SPOPL: variants seen among roughly 807,000 people sequenced by gnomAD.
The protein encoded by SPOPL is speckle type BTB/POZ protein like.
A neutral mutation model predicts 53.8 loss-of-function variants in SPOPL; 23 were observed. That is an observed-to-expected ratio of 0.43 (90% CI 0.31 to 0.61). The LOEUF is 0.61. SPOPL is among the 20% of genes least tolerant of loss of function. The probability of loss-of-function intolerance (pLI) is 0.12; values close to 1 mark genes in which losing one functional copy is unlikely to be tolerated. For missense variants in SPOPL, 442 were observed against 466.9 expected (o/e 0.95, Z 0.49); for synonymous variants, 164 against 149.7 (o/e 1.10, Z -0.70).
chr2:138,512,533 T>C (rs1377331188), intron 1 of SPOPL, among the ~76,000 whole-genome samples: 1 of 152,188 alleles, frequency 6.6e-6, no homozygotes. Context: ...ACCGAGACAG[T>C]TTTTGTAATA....
chr2:138,565,596 T>A (rs1180390593), intron 10 of SPOPL, among the ~76,000 whole-genome samples: 2 of 152,204 alleles, frequency 1.3e-5, no homozygotes, highest in African/African-American at 4.8e-5. Flanking sequence ...ACTTTTATAT[T>A]CTTTGTTATT....
chr2:138,519,899 T>C (rs1324223800), intron 1 of SPOPL, among the ~76,000 whole-genome samples: 2 of 152,224 alleles, frequency 1.3e-5, no homozygotes, highest in Non-Finnish European at 2.9e-5. Context: ...TAATTCTGTA[T>C]GGGTGGCATT....
intron 1 of SPOPL, among the ~76,000 whole-genome samples, chr2:138,532,593 ATT>A (rs71301784): frequency 7.2e-5 from 8 of 111,836 alleles, no homozygotes; most frequent in African/African-American, 3.1e-4. Context: ...CGCCCGGCTA[ATT>A]TTTTTTTTTT....
chr2:138,537,757 T>A (rs1487097927), intron 1 of SPOPL, among the ~76,000 whole-genome samples: 2 of 152,256 alleles, frequency 1.3e-5, no homozygotes, highest in Non-Finnish European at 2.9e-5. Context: ...GAGCAGCTCC[T>A]GGTTCAAAGA....
At chr2:138,544,755 C>T (rs368874561) in intron 1 of SPOPL, among the ~76,000 whole-genome samples, 72 of 152,294 alleles carry the variant, frequency 4.7e-4, no homozygotes, top group Middle Eastern at 6.8e-3. Flanking sequence ...ACCCACTTTC[C>T]GACACTCCCC....
chr2:138,569,047 T>C lies in SPOPL; in HGVS notation c.1146T>C (p.Phe382=). The change falls in exon 11 of 11, where the codon TTT becomes TTC. Residue 382 remains phenylalanine, a synonymous_variant. Coordinates refer to ENST00000280098, the MANE Select transcript of SPOPL (RefSeq NM_001001664.3). The part of the protein sequence containing the change: ...RALASAQCPQ[F]GIPRKRLKQS ...TAGCATCTGCACAGTGTCCACAGTT[T>C]GGCATTCCACGCAAACGGCTAAAAC... 6.2e-7 allele frequency: 1 copy of C among 1,613,866 alleles called. No homozygotes were observed. Among genetic ancestry groups the C allele is most frequent in the Non-Finnish European group, 8.5e-7 (1 of 1,179,916 alleles).
intron 1 of SPOPL, among the ~76,000 whole-genome samples, chr2:138,543,069 T>C (rs1279584979): frequency 6.6e-6 from 1 of 152,230 alleles, no homozygotes; most frequent in Non-Finnish European, 1.5e-5. Context: ...TGGCCCCCAC[T>C]TTCTTCTGGC....
At chr2:138,503,220 A>G (rs1019958074) in intron 1 of SPOPL, among the ~76,000 whole-genome samples, 35 of 149,004 alleles carry the variant, frequency 2.3e-4, no homozygotes, top group African/African-American at 8.9e-4. Flanking sequence ...TCAGACTAGT[A>G]TATAGTTGCC....
rs1685535652 is a variant in SPOPL at position 138,561,060 on chromosome 2, A to G, written c.837+133A>G. 4.6e-6 allele frequency: 5 copies of G among 1,083,506 alleles called. No individual in the cohort carries two copies. The Admixed American group carries it at 9.6e-5, about 21-fold the overall frequency. 67.1% of individuals were successfully genotyped at this position (1,083,506 alleles called of 1,614,324 possible). ...TTGAGAGCTTTATGAAATAGCATAC[A>G]GTGGGGTAATCTGGAAATGAAATTT... On this transcript the variant is annotated intron_variant, in intron 8 of 10. Transcript: ENST00000280098.
chr2:138,524,260 G>C (rs1684621672), intron 1 of SPOPL, among the ~76,000 whole-genome samples: 1 of 152,194 alleles, frequency 6.6e-6, no homozygotes, highest in Non-Finnish European at 1.5e-5. Flanking sequence ...AGCTGGAGCG[G>C]CTGGGACCCA....
intron 1 of SPOPL, among the ~76,000 whole-genome samples, chr2:138,528,003 T>A (rs538699267): frequency 6.6e-5 from 10 of 152,332 alleles, no homozygotes; most frequent in African/African-American, 2.4e-4. Flanking sequence ...CTGTTAGAAG[T>A]TATCTTTTCT....
chr2:138,554,066 CTT>C (rs70978299), intron 5 of SPOPL, among the ~76,000 whole-genome samples: 70,092 of 126,608 alleles, frequency 0.55, 22,708 homozygotes, highest in Non-Finnish European at 0.74. Context: ...TAGAAAATAC[CTT>C]TTTTTTTTTT....
At chr2:138,567,038 C>A (rs1346706271) in intron 10 of SPOPL, among the ~76,000 whole-genome samples, 1 of 152,114 alleles carries the variant, frequency 6.6e-6, no homozygotes, top group Non-Finnish European at 1.5e-5. Flanking sequence ...AGATACTTAT[C>A]CTTTATTATC....
At chr2:138,523,566 G>A (rs776907436) in intron 1 of SPOPL, among the ~76,000 whole-genome samples, 12 of 152,100 alleles carry the variant, frequency 7.9e-5, no homozygotes, top group Admixed American at 2.6e-4. Flanking sequence ...CCTTCCACCT[G>A]TGAGCCTGTA....
At chr2:138,556,560 T>G (rs1386993917) in intron 5 of SPOPL, among the ~76,000 whole-genome samples, 2 of 152,204 alleles carry the variant, frequency 1.3e-5, no homozygotes, top group Non-Finnish European at 2.9e-5. Context: ...ACCTTGAATA[T>G]TAACACCAAC....
intron 1 of SPOPL, among the ~76,000 whole-genome samples, chr2:138,508,138 A>G (rs60605981): frequency 0.062 from 9,401 of 152,184 alleles, 781 homozygotes; most frequent in East Asian, 0.34. Flanking sequence ...AGGTGGTTGT[A>G]TTACATCAAA....
At chr2:138,518,489 G>C (rs1270528282) in intron 1 of SPOPL, among the ~76,000 whole-genome samples, 1 of 152,128 alleles carries the variant, frequency 6.6e-6, no homozygotes, top group Non-Finnish European at 1.5e-5. Context: ...ACTTGTTCAA[G>C]AGTATAAAAC....
chr2:138,508,877 T>G (rs946184569), intron 1 of SPOPL, among the ~76,000 whole-genome samples: 1 of 152,200 alleles, frequency 6.6e-6, no homozygotes, highest in Non-Finnish European at 1.5e-5. Context: ...TGTGTGCTTT[T>G]CATGTATTTA....
chr2:138,564,920 T>C lies in SPOPL; in HGVS notation c.981-20T>C. On this transcript the variant is annotated intron_variant, in intron 9 of 10. Transcript: ENST00000280098. Reference sequence around the variant, plus strand: ...TTTTCTCTGGACTTTTTTTTAAGTATGTTTAAATCTTCAATGCAGGTGCAG... The same window carrying C: ...TTTTCTCTGGACTTTTTTTTAAGTACGTTTAAATCTTCAATGCAGGTGCAG... 6.2e-7 allele frequency: 1 copy of C among 1,613,854 alleles called. No homozygotes were observed. Among genetic ancestry groups the C allele is most frequent in the South Asian group, 1.1e-5 (1 of 91,034 alleles).
Sources: allele counts gnomAD v4.1 joint callset (sites outside exome capture counted in the v4.1 genomes callset), GRCh38; gene constraint gnomAD v4.1.1; transcripts MANE v1.5; gene names NCBI Gene and HGNC (gene_info 2026-07-23, HGNC 2026-07-21).